Variants in EXOC8 observed in about 807,000 individuals in gnomAD.
The protein encoded by EXOC8 is exocyst complex component 8, also known as exocyst complex 84 kDa subunit.
A neutral mutation model predicts 50.8 loss-of-function variants in EXOC8; 19 were observed. The ratio of observed to expected loss-of-function variants is 0.37; its 90% CI spans 0.26 to 0.55. The LOEUF is 0.55. EXOC8 is among the 20% of genes least tolerant of loss of function. The probability of loss-of-function intolerance (pLI) is 0.80; values close to 1 mark genes in which losing one functional copy is unlikely to be tolerated. For synonymous variants in EXOC8, 384 were observed against 367.9 expected, an observed-to-expected ratio of 1.04 and a Z score of -0.50; for missense variants, 781 against 915.8, an observed-to-expected ratio of 0.85 and a Z score of 1.90.
rs1023226660 is a variant in EXOC8 at position 231,337,006 on chromosome 1, A to G, written c.740T>C (p.Met247Thr). 2.5e-6 allele frequency: 4 copies of G among 1,613,954 alleles called. No homozygotes were observed. The highest frequency in any genetic ancestry group is 3.4e-6 in the Non-Finnish European group (4 of 1,180,006). ...CATAAGCAGCTTGAACATGTCCTTC[A>G]TGGGCGGGTTGTCCTTGACATTGAC... is the stretch of plus-strand genomic sequence containing the variant. ...AVVNVKDNPPMKDMFKLLMFP... is the reference protein window; with the variant it reads ...AVVNVKDNPPTKDMFKLLMFP... Residue 247 changes from methionine to threonine, a missense_variant, in exon 1 of 1, where the codon ATG becomes ACG. Coordinates refer to ENST00000366645, the MANE Select transcript of EXOC8 (RefSeq NM_175876.5). The surrounding 1 kb of genome is among the most constrained non-coding windows in gnomAD (Gnocchi z 5.9).
At position 231,336,360 on chromosome 1, in the gene EXOC8, G is replaced by A. The variant is rs1263007715; in HGVS notation, c.1386C>T (p.Val462=). 14 of 1,613,982 alleles carry A rather than the reference G, an allele frequency of 8.7e-6. No homozygotes were observed. Among genetic ancestry groups the A allele is most frequent in the Non-Finnish European group, 1.2e-5 (14 of 1,180,042 alleles). The change falls in exon 1 of 1, where the codon GTC becomes GTT. Residue 462 remains valine, a synonymous_variant. Transcript: ENST00000366645. The surrounding 1 kb of genome is among the most constrained non-coding windows in gnomAD (Gnocchi z 5.4). ...CAGTCTCGAGAAGGCTGGTAAAGAA[G>A]ACATGGCACAGCTTATGAATATAGA... The part of the protein sequence containing the change: ...TLLYIHKLCH[V]FFTSLLETAR...
At position 231,335,501 on chromosome 1, in the gene EXOC8, T is replaced by A. The variant is rs1558356854; in HGVS notation, c.*67A>T. ...AACTATAGAGTATGCTAATACAACT[T>A]AATATAAATATAAATAATATATAAG... On this transcript the variant is annotated 3_prime_UTR_variant, in exon 1 of 1. Transcript: ENST00000366645. 1 of 1,313,010 alleles carries A rather than the reference T, an allele frequency of 7.6e-7. No homozygotes were observed. The highest frequency in any genetic ancestry group is 9.9e-7 in the Non-Finnish European group (1 of 1,013,942). The allele number at this position is 1,313,010 out of a possible 1,614,324, so 81.3% of individuals were successfully genotyped here. A position where few individuals can be genotyped will look rare whatever the true frequency, so the allele number is the denominator to read the frequency against.
rs1357160553 is a variant in EXOC8, at chr1:231,333,352, A to C, written c.*2216T>G. ...ACCAAAGCATACTTCCTTCAGCTAC[A>C]ACTGTAATTGGAACACACAGATTTT... On this transcript the variant is annotated 3_prime_UTR_variant, in exon 1 of 1. Transcript: ENST00000366645. The C allele has an allele frequency of 1.3e-5, 2 of 152,238 alleles. No homozygotes were observed. Among genetic ancestry groups the C allele is most frequent in the Non-Finnish European group, 2.9e-5 (2 of 68,040 alleles). The allele number at this position is 152,238 out of a possible 1,614,324, so 9.4% of individuals were successfully genotyped here. A position where few individuals can be genotyped will look rare whatever the true frequency, so the allele number is the denominator to read the frequency against.
chr1:231,332,890 A>G lies in EXOC8; in HGVS notation c.*2678T>C, dbSNP rs1686594912. ...ATGTCCCAAATTCCCAATCCTAGGT[A>G]AGATATCAAGTTACAAAATACAAGT... On this transcript the variant is annotated 3_prime_UTR_variant, in exon 1 of 1. Coordinates refer to ENST00000366645, the MANE Select transcript of EXOC8 (RefSeq NM_175876.5). 1 of 152,242 alleles carries G rather than the reference A, an allele frequency of 6.6e-6. No individual in the cohort carries two copies. The allele number at this position is 152,242 out of a possible 1,614,324, so 9.4% of individuals were successfully genotyped here.
In EXOC8 at chr1:231,337,812, ACC is replaced by A; in HGVS notation, c.-69_-68del. 1 of 1,514,726 alleles carries A rather than the reference ACC, an allele frequency of 6.6e-7. No homozygotes were observed. The allele number at this position is 1,514,726 out of a possible 1,614,324, so 93.8% of individuals were successfully genotyped here. A position where few individuals can be genotyped will look rare whatever the true frequency, so the allele number is the denominator to read the frequency against. On this transcript the variant is annotated 5_prime_UTR_variant, in exon 1 of 1. Coordinates refer to ENST00000366645, the MANE Select transcript of EXOC8 (RefSeq NM_175876.5). This position sits in a 1 kb window ranked among gnomAD's most constrained non-coding sequence, Gnocchi z 5.9. ...GCAGCCGCCGCGGCTGTCTAGACCCACCCAAGGCCAACCGAGCTCCTGGGCTG... is the reference window on the plus strand; with the variant it reads ...GCAGCCGCCGCGGCTGTCTAGACCCACAAGGCCAACCGAGCTCCTGGGCTG...
Position 231,335,692 on chromosome 1 carries a change from A to G in EXOC8, c.2054T>C (p.Val685Ala). Reference protein sequence around the residue: ...RQNASFLYETVLPVVEKRFEE... With the variant: ...RQNASFLYETALPVVEKRFEE... ...AAACCTTTTCTCCACCACAGGGAGG[A>G]CTGTTTCATATAAAAAGGATGCATT... Residue 685 changes from valine (V) to alanine (A), a missense_variant, in exon 1 of 1, where the codon GTC becomes GCC. Physicochemically the swap from Val to Ala is moderately conservative, Grantham distance 64. Around this residue, in one of 3 missense-constraint regions of EXOC8, gnomAD observed 79 missense variants for 95.3 expected, o/e 0.83. Transcript: ENST00000366645. 6.2e-7 allele frequency: 1 copy of G among 1,614,132 alleles called. No individual in the cohort carries two copies. Among genetic ancestry groups the G allele is most frequent in the Non-Finnish European group, 8.5e-7 (1 of 1,180,028 alleles).
rs1215146952 is a variant in EXOC8, at chr1:231,334,160, TAAA to T, written c.*1405_*1407del. ...TGTTTAAAAACAAAGCAAGGAAAAA[TAAA>T]AAATGAAACAAAAATGCAGCATGGA... On this transcript the variant is annotated 3_prime_UTR_variant, in exon 1 of 1. Transcript: ENST00000366645. 1 of 152,092 alleles carries T rather than the reference TAAA, an allele frequency of 6.6e-6. No homozygotes were observed. Among genetic ancestry groups the T allele is most frequent in the Non-Finnish European group, 1.5e-5 (1 of 68,000 alleles). The allele number at this position is 152,092 out of a possible 1,614,324, so 9.4% of individuals were successfully genotyped here. A position where few individuals can be genotyped will look rare whatever the true frequency, so the allele number is the denominator to read the frequency against.
Position 231,337,326 on chromosome 1 carries a change from GA to G in EXOC8, c.419del (p.Phe140SerfsTer50). On this transcript the variant is annotated frameshift_variant, in exon 1 of 1. Coordinates refer to ENST00000366645, the MANE Select transcript of EXOC8 (RefSeq NM_175876.5). LOFTEE classifies it high-confidence loss of function. This position sits in a 1 kb window ranked among gnomAD's most constrained non-coding sequence, Gnocchi z 5.9. ...RDHLRGQAGF[F>X]STPGGASRDG... ...CGCGGGAGGCACCCCCGGGGGTGGAGAAAAAGCCGGCCTGGCCTCGGAGGTG... is the reference window on the plus strand; with the variant it reads ...CGCGGGAGGCACCCCCGGGGGTGGAGAAAAGCCGGCCTGGCCTCGGAGGTG... 1 of 1,602,762 alleles carries G rather than the reference GA, an allele frequency of 6.2e-7. No homozygotes were observed.
chr1:231,335,937 C>G lies in EXOC8; in HGVS notation c.1809G>C (p.Gln603His), dbSNP rs774866125. ...TCACCCAGCAGTCATCCCCTGTGTA[C>G]TGCTCAAAGTTACTTACCCCACAAC... ...MKSCGVSNFE[Q>H]YTGDDCWVNL... The change falls in exon 1 of 1, where the codon CAG becomes CAC. Residue 603 changes from glutamine to histidine, a missense_variant. By Grantham distance (24) the Gln-to-His change is conservative (BLOSUM62 0). Coordinates refer to ENST00000366645, the MANE Select transcript of EXOC8 (RefSeq NM_175876.5). The G allele has an allele frequency of 1.2e-6, 2 of 1,614,204 alleles. No homozygotes were observed. The highest frequency in any genetic ancestry group is 1.7e-6 in the Non-Finnish European group (2 of 1,180,040).
chr1:231,336,063 G>C lies in EXOC8; in HGVS notation c.1683C>G (p.Ile561Met). Residue 561 changes from isoleucine (I) to methionine (M), a missense_variant, in exon 1 of 1, where the codon ATC (isoleucine) becomes ATG (methionine). Transcript: ENST00000366645. This position sits in a 1 kb window ranked among gnomAD's most constrained non-coding sequence, Gnocchi z 5.4. ...IQGALHSYKEIIIEATKHRNS... is the reference protein window; with the variant it reads ...IQGALHSYKEMIIEATKHRNS... The stretch of plus-strand genomic sequence containing the variant: ...TGCGATGTTTAGTGGCTTCAATGAT[G>C]ATTTCTTTGTAACTGTGCAAGGCCC... 6.2e-7 allele frequency: 1 copy of C among 1,614,178 alleles called. No individual in the cohort carries two copies. Among genetic ancestry groups the C allele is most frequent in the Non-Finnish European group, 8.5e-7 (1 of 1,180,046 alleles).
chr1:231,336,535 A>G lies in EXOC8; in HGVS notation c.1211T>C (p.Leu404Pro). The G allele has an allele frequency of 6.2e-7, 1 of 1,614,108 alleles. No homozygotes were observed. The highest frequency in any genetic ancestry group is 8.5e-7 in the Non-Finnish European group (1 of 1,180,010). The change falls in exon 1 of 1, where the codon CTG (leucine) becomes CCG (proline). Residue 404 changes from leucine to proline, a missense_variant. Leu to Pro is a moderately conservative substitution (Grantham distance 98). Coordinates refer to ENST00000366645, the MANE Select transcript of EXOC8 (RefSeq NM_175876.5). The surrounding 1 kb of genome is among the most constrained non-coding windows in gnomAD (Gnocchi z 5.4). Reference sequence around the variant, plus strand: ...GCGAGTAGCCTTCGGACCACCTCTCAGGGAACGATCTGGGGAGAGTTCGAA... The same window carrying G: ...GCGAGTAGCCTTCGGACCACCTCTCGGGGAACGATCTGGGGAGAGTTCGAA... Reference protein sequence around the residue: ...LVFELSPDRSLRGGPKATRRA... With the variant: ...LVFELSPDRSPRGGPKATRRA...
In EXOC8 at chr1:231,336,073, T is replaced by C; in HGVS notation, c.1673A>G (p.Tyr558Cys). Reference sequence around the variant, plus strand: ...AGTGGCTTCAATGATGATTTCTTTGTAACTGTGCAAGGCCCCTTGGATGTC... The same window carrying C: ...AGTGGCTTCAATGATGATTTCTTTGCAACTGTGCAAGGCCCCTTGGATGTC... ...VKDIQGALHS[Y>C]KEIIIEATKH... is the part of the protein sequence containing the mutation. The change falls in exon 1 of 1, where the codon TAC becomes TGC. Residue 558 changes from tyrosine (Y) to cysteine (C), a missense_variant. Tyr to Cys is a radical substitution (Grantham distance 194). Coordinates refer to ENST00000366645, the MANE Select transcript of EXOC8 (RefSeq NM_175876.5). This position sits in a 1 kb window ranked among gnomAD's most constrained non-coding sequence, Gnocchi z 5.4. The C allele has an allele frequency of 6.2e-7, 1 of 1,614,242 alleles. No individual in the cohort carries two copies. The highest frequency in any genetic ancestry group is 8.5e-7 in the Non-Finnish European group (1 of 1,180,048).
rs1472017463 is a variant in EXOC8 at position 231,332,941 on chromosome 1, T to C, written c.*2627A>G. On this transcript the variant is annotated 3_prime_UTR_variant, in exon 1 of 1. Transcript: ENST00000366645. ...GCCGATAATTAAACTATAGGTAGTA[T>C]ATTAAACAAAAATGAGTTTTTAGCA... 1.3e-5 allele frequency: 2 copies of C among 152,172 alleles called. No individual in the cohort carries two copies. Among genetic ancestry groups the C allele is most frequent in the Non-Finnish European group, 2.9e-5 (2 of 68,010 alleles). 9.4% of individuals were successfully genotyped at this position (152,172 alleles called of 1,614,324 possible).
rs1410434985 is a variant in EXOC8 at position 231,335,357 on chromosome 1, CATACT to C, written c.*206_*210del. 1.6e-5 allele frequency: 6 copies of C among 382,922 alleles called. No individual in the cohort carries two copies. Among genetic ancestry groups the C allele is most frequent in the Non-Finnish European group, 2.3e-5 (5 of 221,806 alleles). 23.7% of individuals were successfully genotyped at this position (382,922 alleles called of 1,614,324 possible). A position where few individuals can be genotyped will look rare whatever the true frequency, so the allele number is the denominator to read the frequency against. On this transcript the variant is annotated 3_prime_UTR_variant, in exon 1 of 1. Coordinates refer to ENST00000366645, the MANE Select transcript of EXOC8 (RefSeq NM_175876.5). Reference sequence around the variant, plus strand: ...TAGCATAATTTAAAAGGATAGCTAGCATACTATACGTTTTAATAATTCCAGTATTT... The same window carrying C: ...TAGCATAATTTAAAAGGATAGCTAGCATACGTTTTAATAATTCCAGTATTT...
Position 231,335,237 on chromosome 1 carries a change from C to G in EXOC8, c.*331G>C, listed in dbSNP as rs1686640861. 6.5e-6 allele frequency: 1 copy of G among 152,948 alleles called. No homozygotes were observed. Among genetic ancestry groups the G allele is most frequent in the Non-Finnish European group, 1.4e-5 (1 of 71,838 alleles). 9.5% of individuals were successfully genotyped at this position (152,948 alleles called of 1,614,324 possible). A position where few individuals can be genotyped will look rare whatever the true frequency, so the allele number is the denominator to read the frequency against. ...CCTGTGCGACGGGGTGAGACCCTGT[C>G]TCAAAAAAAAAAAAGAAAAAAGAAA... On this transcript the variant is annotated 3_prime_UTR_variant, in exon 1 of 1. Transcript: ENST00000366645.
Position 231,336,792 on chromosome 1 carries a change from T to G in EXOC8, c.954A>C (p.Glu318Asp), listed in dbSNP as rs1686687779. ...CCTCTACCTCAGGAACAGCTGGTTC[T>G]TCTTCTTCGTCATCCTCAAATGGGT... ...ATNPFEDDEE[E>D]EPAVPEVEEE... The change falls in exon 1 of 1, where the codon GAA becomes GAC. Residue 318 changes from glutamate (E) to aspartate (D), a missense_variant. Glu to Asp is a conservative substitution (Grantham distance 45). Transcript: ENST00000366645. This position sits in a 1 kb window ranked among gnomAD's most constrained non-coding sequence, Gnocchi z 5.4. The G allele has an allele frequency of 6.2e-7, 1 of 1,613,998 alleles. No individual in the cohort carries two copies. The highest frequency in any genetic ancestry group is 8.5e-7 in the Non-Finnish European group (1 of 1,180,042).
rs1435066441 is a variant in EXOC8 at position 231,335,936 on chromosome 1, A to G, written c.1810T>C (p.Tyr604His). 1 of 1,614,070 alleles carries G rather than the reference A, an allele frequency of 6.2e-7. No individual in the cohort carries two copies. Among genetic ancestry groups the G allele is most frequent in the Non-Finnish European group, 8.5e-7 (1 of 1,180,040 alleles). ...TTCACCCAGCAGTCATCCCCTGTGT[A>G]CTGCTCAAAGTTACTTACCCCACAA... ...KSCGVSNFEQ[Y>H]TGDDCWVNLS... Residue 604 changes from tyrosine (Y) to histidine (H), a missense_variant, in exon 1 of 1, where the codon TAC becomes CAC. Coordinates refer to ENST00000366645, the MANE Select transcript of EXOC8 (RefSeq NM_175876.5).
rs958692639 is a variant in EXOC8 at position 231,334,735 on chromosome 1, C to T, written c.*833G>A. 2.0e-5 allele frequency: 3 copies of T among 152,168 alleles called. No individual in the cohort carries two copies. The highest frequency in any genetic ancestry group is 1.3e-4 in the Admixed American group (2 of 15,274). The allele number at this position is 152,168 out of a possible 1,614,324, so 9.4% of individuals were successfully genotyped here. On this transcript the variant is annotated 3_prime_UTR_variant, in exon 1 of 1. Coordinates refer to ENST00000366645, the MANE Select transcript of EXOC8 (RefSeq NM_175876.5). ...ATTTGCTGAATTGTTTTTATGAAAG[C>T]TTCCTCTTGGATTCTGTAAGGATCA...
chr1:231,337,807 G>C lies in EXOC8; in HGVS notation c.-62C>G, dbSNP rs556454172. 44 of 1,526,268 alleles carry C rather than the reference G, an allele frequency of 2.9e-5. No individual in the cohort carries two copies. The South Asian group carries it at 3.8e-4, about 13-fold the overall frequency. 94.5% of individuals were successfully genotyped at this position (1,526,268 alleles called of 1,614,324 possible). A position where few individuals can be genotyped will look rare whatever the true frequency, so the allele number is the denominator to read the frequency against. ...GCGCCGCAGCCGCCGCGGCTGTCTA[G>C]ACCCACCCAAGGCCAACCGAGCTCC... On this transcript the variant is annotated 5_prime_UTR_variant, in exon 1 of 1. Coordinates refer to ENST00000366645, the MANE Select transcript of EXOC8 (RefSeq NM_175876.5). This position sits in a 1 kb window ranked among gnomAD's most constrained non-coding sequence, Gnocchi z 5.9.
Sources: gnomAD v4.1 joint callset for allele counts on GRCh38, gnomAD v4.1.1 for gene constraint, gnomAD v4.1.1 regional missense constraint, Gnocchi (gnomAD v3.1) non-coding constraint, MANE v1.5 for transcripts, NCBI Gene and HGNC (gene_info 2026-07-23, HGNC 2026-07-21) for gene names.